Variants in MICAL3 observed in about 807,000 individuals in gnomAD.
MICAL3 encodes the protein microtubule associated monooxygenase, calponin and LIM domain containing 3, also known as [F-actin]-monooxygenase MICAL3.
A neutral mutation model predicts 207.4 loss-of-function variants in MICAL3; 62 were observed. The observed-to-expected ratio is 0.30, with a 90% CI of 0.24 to 0.37. MICAL3 has a LOEUF of 0.37. Ranked by LOEUF, MICAL3 falls within the 10% of genes least tolerant of loss-of-function variation. The probability of loss-of-function intolerance (pLI) is 1.00; values close to 1 mark genes in which losing one functional copy is unlikely to be tolerated. For synonymous variants in MICAL3, 1,077 were observed against 1,069.3 expected (o/e 1.01, Z -0.14); for missense variants, 2,368 against 2,635.6 (o/e 0.90, Z 2.22).
chr22:17,808,798 G>C, intron 29 of MICAL3, 46 bp downstream of exon 29: 3 of 1,493,430 alleles, frequency 2.0e-6, no homozygotes, highest in Non-Finnish European at 2.7e-6. Context: ...CGGCGGGAGG[G>C]AGGGCTTCCT....
chr22:17,946,064 G>A (rs748269916), intron 1 of MICAL3, among the ~76,000 whole-genome samples: 3 of 152,174 alleles, frequency 2.0e-5, no homozygotes, highest in Non-Finnish European at 2.9e-5. Context: ...ATTAAGTGGA[G>A]GAGAGTGTGG....
In MICAL3 at chr22:17,818,437, G is replaced by T. The variant is rs548411387; in HGVS notation, c.4224C>A (p.Ser1408=). 2 of 1,612,762 alleles carry T rather than the reference G, an allele frequency of 1.2e-6. No individual in the cohort carries two copies. Among genetic ancestry groups the T allele is most frequent in the Non-Finnish European group, 1.7e-6 (2 of 1,179,882 alleles). The change falls in exon 26 of 32, where the codon TCC becomes TCA. Residue 1408 remains serine, a synonymous_variant. Coordinates refer to ENST00000441493, the MANE Select transcript of MICAL3 (RefSeq NM_015241.3). ...CCTGGGCGCTGCGTAGCTCTCTGTC[G>T]GACGGGGACCGGGGGGTTGGCAGGG... ...PLSLPTPRSP[S]DRELRSAQEE...
At chr22:18,004,808 T>C (rs1312965267) in intron 1 of MICAL3, 1 of 152,192 alleles carries the variant, frequency 6.6e-6, no homozygotes, top group Non-Finnish European at 1.5e-5. Flanking sequence ...CACACAGAGG[T>C]CTGACATCTA....
intron 1 of MICAL3, among the ~76,000 whole-genome samples, chr22:17,911,929 G>C (rs1251292804): frequency 6.6e-6 from 1 of 152,232 alleles, no homozygotes; most frequent in Non-Finnish European, 1.5e-5. Flanking sequence ...TCGGGCTCCT[G>C]ATCTGTCTTC....
chr22:17,937,314 G>A (rs1024914955), intron 1 of MICAL3, among the ~76,000 whole-genome samples: 9 of 152,114 alleles, frequency 5.9e-5, no homozygotes, highest in Non-Finnish European at 8.8e-5. Flanking sequence ...ATTTTAAATT[G>A]GACAAGGCCA....
At position 17,938,655 on chromosome 22, in the gene MICAL3, T is replaced by C. The variant is rs145692117; in HGVS notation, c.-74-31769A>G. On this transcript the variant is annotated intron_variant, in intron 1 of 31. Transcript: ENST00000441493. ...TGAGGAGTGCCTTGGTCTAAGCTGATGCTTTGATACCCAGAGTCTTAAAGG... is the reference window on the plus strand; with the variant it reads ...TGAGGAGTGCCTTGGTCTAAGCTGACGCTTTGATACCCAGAGTCTTAAAGG... Among the ~76,000 whole-genome samples, 1,035 of 152,318 alleles carry C rather than the reference T, an allele frequency of 6.8e-3. 15 individuals carry two copies. The highest frequency in any genetic ancestry group is 0.023 in the African/African-American group (957 of 41,574).
chr22:17,871,191 G>T (rs1013102467), intron 17 of MICAL3, among the ~76,000 whole-genome samples: 1 of 152,138 alleles, frequency 6.6e-6, no homozygotes, highest in Non-Finnish European at 1.5e-5. Context: ...CCATCACGAT[G>T]GCTCTATCGT....
Position 17,906,898 on chromosome 22 carries a change from A to C in MICAL3, c.-74-12T>G. ...ACTGTCACGTTAATCTGACAAAAAGAAAGAAAAACGTGGTTAGCATTTCTC... is the reference window on the plus strand; with the variant it reads ...ACTGTCACGTTAATCTGACAAAAAGCAAGAAAAACGTGGTTAGCATTTCTC... On this transcript the variant is annotated splice_polypyrimidine_tract_variant and intron_variant, in intron 1 of 31. Transcript: ENST00000441493. The C allele has an allele frequency of 7.5e-7, 1 of 1,335,132 alleles. No individual in the cohort carries two copies. Among genetic ancestry groups the C allele is most frequent in the South Asian group, 1.5e-5 (1 of 68,736 alleles). 82.7% of individuals were successfully genotyped at this position (1,335,132 alleles called of 1,614,324 possible).
chr22:17,996,641 C>T (rs1602375087), intron 1 of MICAL3, among the ~76,000 whole-genome samples: 1 of 152,114 alleles, frequency 6.6e-6, no homozygotes, highest in African/African-American at 2.4e-5. Context: ...ACCTGAGTGT[C>T]TGACACCACC....
At chr22:17,810,350 A>C (rs928383812) in intron 28 of MICAL3, among the ~76,000 whole-genome samples, 1 of 151,944 alleles carries the variant, frequency 6.6e-6, no homozygotes, top group African/African-American at 2.4e-5. Context: ...GGCATGAGCC[A>C]CCGCACCCAG....
At chr22:17,953,250 G>C (rs1195498053) in intron 1 of MICAL3, among the ~76,000 whole-genome samples, 5 of 152,120 alleles carry the variant, frequency 3.3e-5, no homozygotes, top group Admixed American at 2.6e-4. Context: ...GACTCCATAG[G>C]AAAAATAATA....
intron 1 of MICAL3, among the ~76,000 whole-genome samples, chr22:17,984,204 G>A (rs1936052183): frequency 6.6e-6 from 1 of 151,984 alleles, no homozygotes; most frequent in Non-Finnish European, 1.5e-5. Context: ...GATTTCCCTG[G>A]TCCCTCCCTG....
At chr22:18,002,999 A>G (rs1016080412) in intron 1 of MICAL3, among the ~76,000 whole-genome samples, 8 of 152,048 alleles carry the variant, frequency 5.3e-5, no homozygotes, top group Non-Finnish European at 1.0e-4. Context: ...TACTAAAGAT[A>G]CAAAAACAAA....
At chr22:17,903,258 C>T (rs1012281108) in intron 3 of MICAL3, among the ~76,000 whole-genome samples, 1 of 152,230 alleles carries the variant, frequency 6.6e-6, no homozygotes, top group African/African-American at 2.4e-5. Context: ...CTAGATCCTC[C>T]TACCATTCCC....
chr22:17,941,442 G>A (rs1933801839), intron 1 of MICAL3, among the ~76,000 whole-genome samples: 1 of 152,170 alleles, frequency 6.6e-6, no homozygotes, highest in Non-Finnish European at 1.5e-5. Flanking sequence ...GAGGCCAATG[G>A]ATTATGAGGA....
intron 16 of MICAL3, chr22:17,881,288 A>C: frequency 3.7e-6 from 6 of 1,606,798 alleles, no homozygotes; most frequent in Non-Finnish European, 5.1e-6. Context: ...GTCCGAGAAC[A>C]CTCCTTTTCC....
chr22:17,860,612 A>C, intron 19 of MICAL3: 1 of 985,516 alleles, frequency 1.0e-6, no homozygotes, highest in Non-Finnish European at 1.2e-6. Context: ...AACCACCAAA[A>C]GATAGGAGTG....
intron 29 of MICAL3, among the ~76,000 whole-genome samples, chr22:17,795,018 C>T (rs146231335): frequency 2.6e-4 from 39 of 152,326 alleles, no homozygotes; most frequent in Admixed American, 1.5e-3. Flanking sequence ...GCTGAGAGGC[C>T]GCTCAGCGGT....
At chr22:17,997,778 G>C (rs148151289) in intron 1 of MICAL3, among the ~76,000 whole-genome samples, 3 of 152,268 alleles carry the variant, frequency 2.0e-5, no homozygotes, top group African/African-American at 4.8e-5. Flanking sequence ...GTTCTACCTT[G>C]AATGTTGTTG....
Sources: allele counts gnomAD v4.1 joint callset (sites outside exome capture counted in the v4.1 genomes callset), GRCh38; gene constraint gnomAD v4.1.1; transcripts MANE v1.5; gene names NCBI Gene and HGNC (gene_info 2026-07-23, HGNC 2026-07-21).